The following CHD8 variants were observed in gnomAD, a reference collection of about 807,000 sequenced individuals.
CHD8 encodes the protein ATP-dependent chromatin remodeler CHD8.
A neutral mutation model predicts 279.2 loss-of-function variants in CHD8; 31 were observed. The observed-to-expected ratio is 0.11, with a 90% confidence interval of 0.08 to 0.15. The LOEUF is 0.15. CHD8 is among the 10% of genes least tolerant of loss of function. CHD8 has a pLI of 1.00. For synonymous variants in CHD8, 1,081 were observed against 1,139.6 expected (o/e 0.95, Z 1.04); for missense variants, 2,146 against 3,230.5 (o/e 0.66, Z 8.14).
At chr14:21,411,920 C>T (rs1041504025) in intron 10 of CHD8, among the ~76,000 whole-genome samples, 11 of 151,778 alleles carry the variant, frequency 7.2e-5, no homozygotes, top group Admixed American at 2.0e-4. Context: ...AAAAACTAGC[C>T]GGGCATGATG....
chr14:21,394,183 G>A lies in CHD8; in HGVS notation c.5612C>T (p.Pro1871Leu). The change falls in exon 32 of 38, where the codon CCT becomes CTT. Residue 1871 changes from proline (P) to leucine (L), a missense_variant. By Grantham distance (98) the Pro-to-Leu change is moderately conservative. Coordinates refer to ENST00000646647, the MANE Select transcript of CHD8 (RefSeq NM_001170629.2). The part of the protein sequence containing the change: ...PPAAGDEPPD[P>L]NLFIEPITEE... ...AGTGATGGGCTCAATGAACAGGTTAGGGTCGGGGGGTTCTGCAAGAGACAG... is the reference window on the plus strand; with the variant it reads ...AGTGATGGGCTCAATGAACAGGTTAAGGTCGGGGGGTTCTGCAAGAGACAG... The A allele has an allele frequency of 6.2e-7, 1 of 1,607,076 alleles. No individual in the cohort carries two copies. The highest frequency in any genetic ancestry group is 1.3e-5 in the African/African-American group (1 of 74,872).
At position 21,400,816 on chromosome 14, in the gene CHD8, G is replaced by T; in HGVS notation, c.4370+59C>A. 1 of 1,479,370 alleles carries T rather than the reference G, an allele frequency of 6.8e-7. No homozygotes were observed. The highest frequency in any genetic ancestry group is 9.1e-7 in the Non-Finnish European group (1 of 1,098,378). The allele number at this position is 1,479,370 out of a possible 1,614,324, so 91.6% of individuals were successfully genotyped here. A position where few individuals can be genotyped will look rare whatever the true frequency, so the allele number is the denominator to read the frequency against. Reference sequence around the variant, plus strand: ...CCCCAATTTGAAAGGCAAACCAAGAGTATCTATCAGGATGGAGATGCACTA... The same window carrying T: ...CCCCAATTTGAAAGGCAAACCAAGATTATCTATCAGGATGGAGATGCACTA... On this transcript the variant is annotated intron_variant, in intron 22 of 37. Transcript: ENST00000646647. This position sits in a 1 kb window ranked among gnomAD's most constrained non-coding sequence, Gnocchi z 4.2.
Position 21,431,628 on chromosome 14 carries a change from T to C in CHD8, c.16A>G (p.Met6Val). MADPI[M>V]DLFDDPNLFG... ...AAATTTGGGTCATCGAACAGATCCATGATGGGGTCTGCCATCTTGGGAAAG... is the reference window on the plus strand; with the variant it reads ...AAATTTGGGTCATCGAACAGATCCACGATGGGGTCTGCCATCTTGGGAAAG... Residue 6 changes from methionine to valine, a missense_variant, in exon 2 of 38, where the codon ATG (methionine) becomes GTG (valine). Coordinates refer to ENST00000646647, the MANE Select transcript of CHD8 (RefSeq NM_001170629.2). 1.3e-6 allele frequency: 2 copies of C among 1,539,866 alleles called. No individual in the cohort carries two copies. The highest frequency in any genetic ancestry group is 1.7e-6 in the Non-Finnish European group (2 of 1,146,982).
At chr14:21,453,523 G>A (rs906044912) in intron 1 of CHD8, among the ~76,000 whole-genome samples, 9 of 151,888 alleles carry the variant, frequency 5.9e-5, no homozygotes, top group African/African-American at 1.9e-4. Context: ...AATGCTAAAG[G>A]TAAAATAGTA....
In CHD8 at chr14:21,393,770, G is replaced by T. The variant is rs1294224989; in HGVS notation, c.6025C>A (p.Pro2009Thr). The T allele has an allele frequency of 1.9e-6, 3 of 1,613,842 alleles. No individual in the cohort carries two copies. The highest frequency in any genetic ancestry group is 2.5e-6 in the Non-Finnish European group (3 of 1,179,872). Reference protein sequence around the residue: ...LRPDAPVEKSPEETATQVPSL... With the variant: ...LRPDAPVEKSTEETATQVPSL... ...GGGACCTGGGTAGCTGTCTCCTCGG[G>T]TGACTTTTCAACAGGAGCATCTGGG... Residue 2009 changes from proline (P) to threonine (T), a missense_variant, in exon 32 of 38, where the codon CCC becomes ACC. By Grantham distance (38) the Pro-to-Thr change is conservative. Coordinates refer to ENST00000646647, the MANE Select transcript of CHD8 (RefSeq NM_001170629.2).
rs1294293723 is a variant in CHD8, at chr14:21,402,080, T to C, written c.3939A>G (p.Ala1313=). The C allele has an allele frequency of 5.6e-6, 9 of 1,613,338 alleles. No individual in the cohort carries two copies. Among genetic ancestry groups the C allele is most frequent in the Non-Finnish European group, 7.6e-6 (9 of 1,179,654 alleles). The change falls in exon 20 of 38, where the codon GCA becomes GCG. Residue 1313 remains alanine (A), a synonymous_variant. Transcript: ENST00000646647. The surrounding 1 kb of genome is among the most constrained non-coding windows in gnomAD (Gnocchi z 4.5). ...IEDLLRKGAY[A]AIMEEDDEGS... ...CTTCATCATCTTCCTCCATGATGGCTGCATATGCTCCTTTTCTTAAAAGAT... is the reference window on the plus strand; with the variant it reads ...CTTCATCATCTTCCTCCATGATGGCCGCATATGCTCCTTTTCTTAAAAGAT...
rs780644771 is a variant in CHD8, at chr14:21,408,267, G to A, written c.2730+45C>T. ...AGCCCTTAAAATACCAGGTACCTTG[G>A]CCGACTTTCTCTAACTCATAGTATT... On this transcript the variant is annotated intron_variant, in intron 13 of 37. Coordinates refer to ENST00000646647, the MANE Select transcript of CHD8 (RefSeq NM_001170629.2). This position sits in a 1 kb window ranked among gnomAD's most constrained non-coding sequence, Gnocchi z 4.3. The A allele has an allele frequency of 6.3e-7, 1 of 1,589,734 alleles. No individual in the cohort carries two copies. Among genetic ancestry groups the A allele is most frequent in the Non-Finnish European group, 8.6e-7 (1 of 1,167,964 alleles).
At chr14:21,435,352 C>T (rs1483663650) in intron 1 of CHD8, among the ~76,000 whole-genome samples, 1 of 152,116 alleles carries the variant, frequency 6.6e-6, no homozygotes, top group East Asian at 1.9e-4. Context: ...CAGTATAGCC[C>T]TTCACTTCAT....
At chr14:21,439,279 T>C (rs563207423) in intron 1 of CHD8, among the ~76,000 whole-genome samples, 1 of 152,336 alleles carries the variant, frequency 6.6e-6, no homozygotes, top group Admixed American at 6.5e-5. Context: ...ATCCTAGCAT[T>C]ACCACTGTCG....
At chr14:21,424,121 A>C (rs1033173814) in intron 5 of CHD8, among the ~76,000 whole-genome samples, 7 of 152,240 alleles carry the variant, frequency 4.6e-5, no homozygotes. Context: ...TTACTTTAAA[A>C]TGTATTCATG....
At chr14:21,392,049 A>T in intron 34 of CHD8, 103 bp from the exon 35 acceptor site, 2 of 854,272 alleles carry the variant, frequency 2.3e-6, no homozygotes, top group Non-Finnish European at 4.0e-6. Flanking sequence ...CTCTTGCCCA[A>T]TGATGGTGAG....
intron 5 of CHD8, among the ~76,000 whole-genome samples, chr14:21,423,022 G>C (rs1301933015): frequency 6.6e-6 from 1 of 151,674 alleles, no homozygotes; most frequent in Non-Finnish European, 1.5e-5. Context: ...AGGAGTTTGA[G>C]ATCAGCCAGG....
rs1887627780 is a variant in CHD8, at chr14:21,393,218, C to T, written c.6356G>A (p.Ser2119Asn). 6.2e-7 allele frequency: 1 copy of T among 1,613,980 alleles called. No individual in the cohort carries two copies. The highest frequency in any genetic ancestry group is 8.5e-7 in the Non-Finnish European group (1 of 1,179,896). Residue 2119 changes from serine to asparagine, a missense_variant, in exon 33 of 38, where the codon AGT becomes AAT. Around this residue, in one of 26 missense-constraint regions of CHD8, gnomAD observed 513 missense variants for 637.6 expected, o/e 0.80. Coordinates refer to ENST00000646647, the MANE Select transcript of CHD8 (RefSeq NM_001170629.2). Reference protein sequence around the residue: ...QSRSKLYDEESLLSLTMSQDG... With the variant: ...QSRSKLYDEENLLSLTMSQDG... The stretch of plus-strand genomic sequence containing the variant: ...TTGGGACATAGTGAGGGACAGGAGA[C>T]TCTCTTCATCATAGAGCTTTGAGCG...
chr14:21,447,033 T>C (rs1890139476), intron 1 of CHD8, among the ~76,000 whole-genome samples: 1 of 152,190 alleles, frequency 6.6e-6, no homozygotes, highest in Admixed American at 6.5e-5. Flanking sequence ...GAATTTCCAG[T>C]TGAAGGTGTG....
chr14:21,386,433 CT>C, intron 37 of CHD8: 1 of 536,310 alleles, frequency 1.9e-6, no homozygotes, highest in Non-Finnish European at 3.3e-6. Context: ...GTTTTTGCTT[CT>C]TTTCCCCATG....
chr14:21,410,111 G>T, intron 10 of CHD8, 123 bp from the exon 11 acceptor site: 1 of 931,800 alleles, frequency 1.1e-6, no homozygotes, highest in Non-Finnish European at 1.5e-6. Context: ...CGTTGAAAAA[G>T]TCAGGCCAAA....
intron 37 of CHD8, among the ~76,000 whole-genome samples, chr14:21,388,918 G>A (rs1404782529): frequency 6.6e-6 from 1 of 152,156 alleles, no homozygotes; most frequent in Non-Finnish European, 1.5e-5. Flanking sequence ...TCAAATGGGG[G>A]AATAATTAGA....
intron 1 of CHD8, among the ~76,000 whole-genome samples, chr14:21,454,516 C>T (rs184146532): frequency 4.9e-4 from 74 of 152,130 alleles, no homozygotes; most frequent in Non-Finnish European, 1.2e-4. Context: ...CTTTTAGAGA[C>T]GGGGTTTCAC....
At chr14:21,419,325 G>A (rs562027318) in intron 5 of CHD8, among the ~76,000 whole-genome samples, 74 of 152,272 alleles carry the variant, frequency 4.9e-4, no homozygotes, top group African/African-American at 1.7e-3. Context: ...TCGGGAGGCC[G>A]AGGCGGGCAG....
Sources: gnomAD v4.1 joint callset for allele counts (sites outside exome capture counted in the v4.1 genomes callset) on GRCh38, gnomAD v4.1.1 for gene constraint, gnomAD v4.1.1 regional missense constraint, Gnocchi (gnomAD v3.1) non-coding constraint, MANE v1.5 for transcripts, NCBI Gene and HGNC (gene_info 2026-07-23, HGNC 2026-07-21) for gene names.